Variants in SAMSN1 observed in about 807,000 individuals in gnomAD.
SAMSN1 encodes the protein SAM domain-containing protein SAMSN-1.
Under a neutral mutation model 42.0 loss-of-function variants are expected in SAMSN1, and 31 were observed. The observed-to-expected ratio is 0.74, with a 90% confidence interval of 0.55 to 1.00. The LOEUF (loss-of-function observed/expected upper bound fraction) is 1.00, where lower values mean the gene tolerates loss of function less well. Ranked by LOEUF, SAMSN1 falls within the 50% of genes least tolerant of loss-of-function variation. The pLI is 0.00. For missense variants in SAMSN1, 464 were observed against 439.4 expected (o/e 1.06, Z -0.50); for synonymous variants, 178 against 151.9 (o/e 1.17, Z -1.26).
At chr21:14,586,262 C>CAA (rs67482796), upstream of SAMSN1, among the ~76,000 whole-genome samples, 1,515 of 50,010 alleles carry the variant, frequency 0.03, 85 homozygotes, top group African/African-American at 0.072. Flanking sequence ...GACTCCATCT[C>CAA]AAAAAAAAAA....
chr21:14,504,353 A>G (rs1351099710), intron 5 of SAMSN1, among the ~76,000 whole-genome samples: 1 of 152,192 alleles, frequency 6.6e-6, no homozygotes, highest in Non-Finnish European at 1.5e-5. Flanking sequence ...AAATCCAAAA[A>G]ACGATCCAAG....
chr21:14,569,129 TAAA>T (rs11361968), intron 2 of SAMSN1, among the ~76,000 whole-genome samples: 10 of 150,512 alleles, frequency 6.6e-5, no homozygotes, highest in Non-Finnish European at 1.0e-4. Flanking sequence ...CATTTCTATT[TAAA>T]AAAAAAAATA....
chr21:14,608,441 C>T (rs1040010954), intron 5 of SAMSN1, among the ~76,000 whole-genome samples: 3 of 152,192 alleles, frequency 2.0e-5, no homozygotes, highest in African/African-American at 7.2e-5. Flanking sequence ...TTCTGACTAG[C>T]CCCTCCACAG....
At position 14,581,344 on chromosome 21, in the gene SAMSN1, C is replaced by CT. The variant is rs56728511; in HGVS notation, c.261+791dup. 1.9e-3 allele frequency among the ~76,000 whole-genome samples: 63 copies of CT among 32,582 alleles called. 13 individuals carry two copies. Among genetic ancestry groups the CT allele is most frequent in the East Asian group, 7.8e-3 (6 of 766 alleles). The allele number at this position is 32,582 out of a possible 152,430, so 21.4% of individuals were successfully genotyped here. A position where few individuals can be genotyped will look rare whatever the true frequency, so the allele number is the denominator to read the frequency against. ...TGTAAAATGAGGGGAAATAATATTT[C>CT]TTTTTTTTTTTTTTTTTTTTTTTTT... On this transcript the variant is annotated intron_variant, in intron 2 of 8. Transcript: ENST00000285670.
At chr21:14,656,521 G>A (rs1174143684) in intron 1 of SAMSN1, among the ~76,000 whole-genome samples, 2 of 151,702 alleles carry the variant, frequency 1.3e-5, no homozygotes, top group Non-Finnish European at 2.9e-5. Flanking sequence ...AAAAATCACT[G>A]TGCCTCAAAT....
intron 2 of SAMSN1, among the ~76,000 whole-genome samples, chr21:14,574,920 C>A (rs548004880): frequency 1.2e-4 from 18 of 152,064 alleles, no homozygotes; most frequent in African/African-American, 4.1e-4. Context: ...CTGGCGAGAC[C>A]TTTTTTCAGG....
chr21:14,576,000 A>G (rs1382190690), intron 2 of SAMSN1, among the ~76,000 whole-genome samples: 2 of 152,208 alleles, frequency 1.3e-5, no homozygotes, highest in Non-Finnish European at 2.9e-5. Flanking sequence ...AAAATGAGGA[A>G]ATAGTATGAA....
upstream of SAMSN1, chr21:14,583,528 TA>T (rs202144398): frequency 6.8e-4 from 384 of 566,826 alleles, no homozygotes; most frequent in East Asian, 9.2e-4. Context: ...AACTTGGCAA[TA>T]AAAAAAAATC....
chr21:14,520,887 T>TA (rs1978418042), intron 2 of SAMSN1, among the ~76,000 whole-genome samples: 1 of 152,048 alleles, frequency 6.6e-6, no homozygotes, highest in Admixed American at 6.6e-5. Context: ...CTTTTTTTTT[T>TA]TCCTTTTCAC....
chr21:14,532,512 GA>G (rs1568792106), intron 1 of SAMSN1, among the ~76,000 whole-genome samples: 4 of 152,140 alleles, frequency 2.6e-5, no homozygotes, highest in Admixed American at 6.5e-5. Flanking sequence ...TTACCTTTTA[GA>G]AAACTGGGAT....
At chr21:14,517,150 T>C (rs1987956034) in intron 2 of SAMSN1, 109 bp from the exon 3 acceptor site, 2 of 987,798 alleles carry the variant, frequency 2.0e-6, no homozygotes, top group East Asian at 5.5e-5. Flanking sequence ...GCATGCATTC[T>C]GTGCAGCAGC....
intron 7 of SAMSN1, chr21:14,591,930 T>A (rs1982097944): frequency 6.6e-6 from 1 of 152,134 alleles, no homozygotes; most frequent in Admixed American, 6.6e-5. Context: ...CAATTTTCCA[T>A]AGTATAATGA....
At chr21:14,636,311 C>T (rs80249127) in intron 2 of SAMSN1, among the ~76,000 whole-genome samples, 1 of 152,110 alleles carries the variant, frequency 6.6e-6, no homozygotes, top group Non-Finnish European at 1.5e-5. Context: ...CTTCTCATCT[C>T]CCAAAAAGAC....
intron 2 of SAMSN1, among the ~76,000 whole-genome samples, chr21:14,575,331 T>C (rs1981425633): frequency 6.6e-6 from 1 of 152,198 alleles, no homozygotes. Flanking sequence ...TATAAAATTA[T>C]TTTTAGAATC....
In SAMSN1 at chr21:14,592,501, C is replaced by T. The variant is rs994200448; in HGVS notation, c.465+1512G>A. On this transcript the variant is annotated intron_variant, in intron 7 of 15. Coordinates refer to the SAMSN1 transcript ENST00000647101. ...ACTGGCCATGTGAACTTGAGTGAGC[C>T]ACTTCTCCTCTCTGCACTTCAGCCC... The T allele has an allele frequency of 6.0e-5, 11 of 181,892 alleles. No individual in the cohort carries two copies. In the South Asian group the frequency reaches 9.8e-4, roughly 16 times the overall value. 11.3% of individuals were successfully genotyped at this position (181,892 alleles called of 1,614,324 possible). A position where few individuals can be genotyped will look rare whatever the true frequency, so the allele number is the denominator to read the frequency against.
chr21:14,641,812 A>G (rs565079223), intron 2 of SAMSN1, among the ~76,000 whole-genome samples: 1 of 152,304 alleles, frequency 6.6e-6, no homozygotes, highest in Non-Finnish European at 1.5e-5. Context: ...TTGACCCTTT[A>G]ACAACATGGA....
upstream of SAMSN1, among the ~76,000 whole-genome samples, chr21:14,586,762 A>G (rs1981931111): frequency 6.6e-6 from 1 of 152,210 alleles, no homozygotes; most frequent in South Asian, 2.1e-4. Context: ...GATGAGAAGG[A>G]ACCAGATATG....
chr21:14,522,877 G>A (rs1011472040), intron 1 of SAMSN1, among the ~76,000 whole-genome samples: 1 of 152,182 alleles, frequency 6.6e-6, no homozygotes, highest in Admixed American at 6.5e-5. Flanking sequence ...TGGACAGGGT[G>A]CTGCTCCAAC....
intron 4 of SAMSN1, among the ~76,000 whole-genome samples, chr21:14,610,024 T>C (rs1481135727): frequency 6.6e-6 from 1 of 152,130 alleles, no homozygotes; most frequent in African/African-American, 2.4e-5. Flanking sequence ...CTGCACAAAT[T>C]GTTTGTAGAG....
Sources: gnomAD v4.1 joint callset for allele counts (sites outside exome capture counted in the v4.1 genomes callset) on GRCh38, gnomAD v4.1.1 for gene constraint, MANE v1.5 for transcripts, NCBI Gene and HGNC (gene_info 2026-07-23, HGNC 2026-07-21) for gene names.